Variants in PLCL1 observed in about 807,000 individuals in gnomAD.
PLCL1 encodes the protein phospholipase C like 1 (inactive), also known as inactive phospholipase C-like protein 1.
In PLCL1, 41 loss-of-function variants were observed where a neutral mutation model predicts 84.4. The ratio of observed to expected loss-of-function variants is 0.49; its 90% confidence interval spans 0.38 to 0.63. The LOEUF (loss-of-function observed/expected upper bound fraction) is 0.63, where lower values mean the gene tolerates loss of function less well. Ranked by LOEUF, PLCL1 falls within the 30% of genes least tolerant of loss-of-function variation. The pLI is 0.00. For missense variants in PLCL1, 1,206 were observed against 1,367.8 expected, an observed-to-expected ratio of 0.88 and a Z score of 1.87; for synonymous variants, 490 against 488.3, an observed-to-expected ratio of 1.00 and a Z score of -0.05.
intron 5 of PLCL1, among the ~76,000 whole-genome samples, chr2:198,116,477 C>A (rs898195884): frequency 6.6e-6 from 1 of 151,656 alleles, no homozygotes; most frequent in African/African-American, 2.4e-5. Context: ...AAACTCATGG[C>A]CTTATGAGAT....
rs139315276 is a variant in PLCL1 at position 197,848,010 on chromosome 2, A to C, written c.240+42671A>C. Among the ~76,000 whole-genome samples, 387 of 152,354 alleles carry C rather than the reference A, an allele frequency of 2.5e-3. 1 individual carries two copies. The highest frequency in any genetic ancestry group is 9.1e-3 in the African/African-American group (378 of 41,586). ...TAAAGAGAGCTAAAAAAATAAAACT[A>C]TAATCAGATTTCTAAAGTGTTAAAC... On this transcript the variant is annotated intron_variant, in intron 1 of 5. Coordinates refer to ENST00000428675, the MANE Select transcript of PLCL1 (RefSeq NM_006226.4).
At chr2:197,825,844 A>G (rs1690917319) in intron 1 of PLCL1, among the ~76,000 whole-genome samples, 1 of 152,252 alleles carries the variant, frequency 6.6e-6, no homozygotes, top group African/African-American at 2.4e-5. Flanking sequence ...TGCCTATCCC[A>G]CAAGTTTGCC....
At chr2:197,950,876 C>G (rs542032316) in intron 1 of PLCL1, among the ~76,000 whole-genome samples, 1 of 152,124 alleles carries the variant, frequency 6.6e-6, no homozygotes, top group East Asian at 1.9e-4. Flanking sequence ...AATTGCATTG[C>G]AAAAACTGCT....
rs1692216487 is a variant in PLCL1 at position 198,062,004 on chromosome 2, G to A, written c.241-21754G>A. ...GTATTCCATCCTGTCTAGCACGGCA[G>A]TGGTTGGACTTTAATAAATGACGGC... is the stretch of plus-strand genomic sequence containing the variant. On this transcript the variant is annotated intron_variant, in intron 1 of 5. Coordinates refer to ENST00000428675, the MANE Select transcript of PLCL1 (RefSeq NM_006226.4). Among the ~76,000 whole-genome samples, 3 of 152,340 alleles carry A rather than the reference G, an allele frequency of 2.0e-5. No homozygotes were observed. In the South Asian group the frequency reaches 6.2e-4, roughly 32 times the overall value.
rs11270566 is a variant in PLCL1, at chr2:197,890,701, T to TATATATATGTACAC, written c.240+85363_240+85364insTATATATGTACACA. Among the ~76,000 whole-genome samples, 484 of 118,560 alleles carry TATATATATGTACAC rather than the reference T, an allele frequency of 4.1e-3. 10 individuals are homozygous for TATATATATGTACAC. Among genetic ancestry groups the TATATATATGTACAC allele is most frequent in the African/African-American group, 0.018 (461 of 26,216 alleles). 77.8% of individuals were successfully genotyped at this position (118,560 alleles called of 152,430 possible). Reference sequence around the variant, plus strand: ...TTTTTGCTATATATATATATATATATACACACACACATATACGTATATATG... The same window carrying TATATATATGTACAC: ...TTTTTGCTATATATATATATATATATATATATATGTACACACACACACACATATACGTATATATG... On this transcript the variant is annotated intron_variant, in intron 1 of 5. Transcript: ENST00000428675.
At chr2:197,922,791 T>C (rs1231133075) in intron 1 of PLCL1, among the ~76,000 whole-genome samples, 25 of 107,950 alleles carry the variant, frequency 2.3e-4, no homozygotes, top group South Asian at 6.5e-4. Flanking sequence ...CCCCCCCACC[T>C]CCCTCCCGGA....
At chr2:197,978,706 T>G (rs1226524861) in intron 1 of PLCL1, among the ~76,000 whole-genome samples, 2 of 152,254 alleles carry the variant, frequency 1.3e-5, no homozygotes, top group African/African-American at 2.4e-5. Context: ...GAGCCTATTC[T>G]GGCAGCTCAG....
At chr2:197,964,414 T>A (rs1380303493) in intron 1 of PLCL1, among the ~76,000 whole-genome samples, 2 of 152,194 alleles carry the variant, frequency 1.3e-5, no homozygotes, top group Non-Finnish European at 1.5e-5. Flanking sequence ...ATTGTTGGCA[T>A]ATAGACATGC....
chr2:198,108,335 TACTATC>T (rs1297402827), intron 5 of PLCL1, among the ~76,000 whole-genome samples: 4 of 151,894 alleles, frequency 2.6e-5, no homozygotes, highest in African/African-American at 9.7e-5. Context: ...TAGTATTCCC[TACTATC>T]TAGAGAGAGG....
At position 197,883,375 on chromosome 2, in the gene PLCL1, C is replaced by T. The variant is rs144659623; in HGVS notation, c.240+78036C>T. ...GACTGAGGAAGAAGTTATAGACACA[C>T]GAAGTTTTTACTGTACAAAGTATTT... On this transcript the variant is annotated intron_variant, in intron 1 of 5. Transcript: ENST00000428675. Among the ~76,000 whole-genome samples the T allele has an allele frequency of 2.3e-3, 351 of 152,230 alleles. 1 individual carries two copies. Among genetic ancestry groups the T allele is most frequent in the African/African-American group, 7.8e-3 (323 of 41,546 alleles).
intron 1 of PLCL1, among the ~76,000 whole-genome samples, chr2:198,015,671 G>T (rs931489025): frequency 6.6e-6 from 1 of 152,106 alleles, no homozygotes; most frequent in Non-Finnish European, 1.5e-5. Flanking sequence ...GAGACAGACA[G>T]CTCCGAGTTA....
At chr2:198,057,416 G>A (rs1692094697) in intron 1 of PLCL1, among the ~76,000 whole-genome samples, 1 of 151,998 alleles carries the variant, frequency 6.6e-6, no homozygotes, top group Non-Finnish European at 1.5e-5. Context: ...TGTACACATT[G>A]TTTCATTTAG....
chr2:197,876,355 C>T (rs1687731420), intron 1 of PLCL1, among the ~76,000 whole-genome samples: 2 of 152,018 alleles, frequency 1.3e-5, no homozygotes, highest in Non-Finnish European at 2.9e-5. Flanking sequence ...GAGGGGATCC[C>T]GGAATCTAAT....
chr2:198,078,485 A>C (rs182184470), intron 1 of PLCL1, among the ~76,000 whole-genome samples: 41 of 152,264 alleles, frequency 2.7e-4, no homozygotes, highest in Non-Finnish European at 3.8e-4. Context: ...AATCAAACCT[A>C]TGTGCCTATA....
chr2:198,025,554 G>A (rs1691242608), intron 1 of PLCL1, among the ~76,000 whole-genome samples: 1 of 152,064 alleles, frequency 6.6e-6, no homozygotes, highest in Admixed American at 6.6e-5. Context: ...GGCTGATCAG[G>A]TAATCTGAAT....
intron 1 of PLCL1, among the ~76,000 whole-genome samples, chr2:197,977,954 C>T (rs1690021563): frequency 1.3e-5 from 2 of 152,186 alleles, no homozygotes; most frequent in Non-Finnish European, 2.9e-5. Context: ...AATTACTGCA[C>T]ACTTTAAGGT....
intron 5 of PLCL1, among the ~76,000 whole-genome samples, chr2:198,105,849 A>C (rs1693461824): frequency 2.0e-5 from 3 of 151,898 alleles, no homozygotes; most frequent in Admixed American, 2.0e-4. Context: ...CATTTTCTTG[A>C]GATTATGATT....
chr2:198,084,102 G>T lies in PLCL1; in HGVS notation c.585G>T (p.Gly195=). Reference sequence around the variant, plus strand: ...ACTGTGCCTTTTCCATACTCCACGGGGAAAACTATGAGTCTCTGGACCTAG... The same window carrying T: ...ACTGTGCCTTTTCCATACTCCACGGTGAAAACTATGAGTCTCTGGACCTAG... ...CEDCAFSILH[G]ENYESLDLVA... is the part of the protein sequence containing the mutation. Residue 195 remains glycine (G), a synonymous_variant, in exon 2 of 6, where the codon GGG becomes GGT. Transcript: ENST00000428675. 1.9e-6 allele frequency: 3 copies of T among 1,614,108 alleles called. No individual in the cohort carries two copies. The highest frequency in any genetic ancestry group is 2.5e-6 in the Non-Finnish European group (3 of 1,179,996).
At chr2:198,080,948 A>G (rs1038547651) in intron 1 of PLCL1, among the ~76,000 whole-genome samples, 5 of 152,146 alleles carry the variant, frequency 3.3e-5, no homozygotes, top group African/African-American at 7.2e-5. Flanking sequence ...GTATTTCTTG[A>G]AGGCTTGGCA....
Sources: gnomAD v4.1 joint callset for allele counts (sites outside exome capture counted in the v4.1 genomes callset) on GRCh38, gnomAD v4.1.1 for gene constraint, MANE v1.5 for transcripts, NCBI Gene and HGNC (gene_info 2026-07-23, HGNC 2026-07-21) for gene names.